Variants in GATA6 observed in about 807,000 individuals in gnomAD.
GATA6 encodes GATA binding protein 6, also known as transcription factor GATA-6.
A neutral mutation model predicts 48.1 loss-of-function variants in GATA6; 11 were observed. The ratio of observed to expected loss-of-function variants is 0.23; its 90% CI spans 0.14 to 0.38. The LOEUF (loss-of-function observed/expected upper bound fraction) is 0.38, where lower values mean the gene tolerates loss of function less well. GATA6 is among the 10% of genes least tolerant of loss of function. GATA6 has a pLI of 1.00. For missense variants in GATA6, 795 were observed against 850.3 expected, an observed-to-expected ratio of 0.93 and a Z score of 0.81; for synonymous variants, 419 against 396.1, an observed-to-expected ratio of 1.06 and a Z score of -0.69.
intron 4 of GATA6, among the ~76,000 whole-genome samples, chr18:22,182,555 G>A (rs952358855): frequency 2.0e-5 from 3 of 152,116 alleles, no homozygotes; most frequent in Non-Finnish European, 2.9e-5. Flanking sequence ...ACGGGGTTTC[G>A]TCATGTTGGC....
At position 22,172,511 on chromosome 18, in the gene GATA6, A is replaced by T. The variant is rs950396786; in HGVS notation, c.1135+232A>T. The stretch of plus-strand genomic sequence containing the variant: ...AGTCTGTTGTGCCAAGTTCCTTTCC[A>T]CGGATGAGACTAAATGCACATCTGT... On this transcript the variant is annotated intron_variant, in intron 2 of 6. Transcript: ENST00000269216. This position sits in a 1 kb window ranked among gnomAD's most constrained non-coding sequence, Gnocchi z 5.2. Among the ~76,000 whole-genome samples the T allele has an allele frequency of 1.3e-5, 2 of 152,106 alleles. No individual in the cohort carries two copies. Among genetic ancestry groups the T allele is most frequent in the Non-Finnish European group, 2.9e-5 (2 of 68,016 alleles).
intron 3 of GATA6, among the ~76,000 whole-genome samples, chr18:22,179,169 G>A (rs987313833): frequency 6.6e-6 from 1 of 152,202 alleles, no homozygotes; most frequent in Non-Finnish European, 1.5e-5. Flanking sequence ...TTGTAAATGG[G>A]TTATAAATGA....
rs1379272381 is a variant in GATA6, at chr18:22,170,763, C to A, written c.-37-345C>A. On this transcript the variant is annotated intron_variant, in intron 1 of 6. Coordinates refer to ENST00000269216, the MANE Select transcript of GATA6 (RefSeq NM_005257.6). This position sits in a 1 kb window ranked among gnomAD's most constrained non-coding sequence, Gnocchi z 6.7. The stretch of plus-strand genomic sequence containing the variant: ...CTTTAGGGCGGAAGGAAAGCCTCAG[C>A]CAGCTTCTGCAGATCACCCCTGGGA... Among the ~76,000 whole-genome samples the A allele has an allele frequency of 2.0e-5, 3 of 152,038 alleles. No homozygotes were observed. The highest frequency in any genetic ancestry group is 4.8e-5 in the African/African-American group (2 of 41,410).
intron 6 of GATA6, among the ~76,000 whole-genome samples, chr18:22,194,991 C>A (rs998763375): frequency 6.6e-6 from 1 of 152,074 alleles, no homozygotes; most frequent in South Asian, 2.1e-4. Context: ...TATGGTGAAA[C>A]CCTAACTCTA....
At chr18:22,175,691 T>A (rs1011386780) in intron 2 of GATA6, 2 of 152,200 alleles carry the variant, frequency 1.3e-5, no homozygotes, top group Non-Finnish European at 2.9e-5. Context: ...GGAATTAAAG[T>A]TTTTATGCTA....
intron 6 of GATA6, among the ~76,000 whole-genome samples, chr18:22,189,107 T>A (rs1345376952): frequency 6.6e-6 from 1 of 152,172 alleles, no homozygotes; most frequent in Non-Finnish European, 1.5e-5. Flanking sequence ...ATAGGCGTCA[T>A]CGTTCCCGTC....
intron 3 of GATA6, among the ~76,000 whole-genome samples, chr18:22,180,673 A>G (rs1248856794): frequency 2.0e-5 from 3 of 149,780 alleles, no homozygotes; most frequent in Non-Finnish European, 4.4e-5. Flanking sequence ...ATTCAAATAT[A>G]TTTCTTTTTT....
At chr18:22,176,903 G>A (rs923530876) in intron 2 of GATA6, 52 bp from the exon 3 acceptor site, 410 of 1,509,652 alleles carry the variant, frequency 2.7e-4, no homozygotes, top group Middle Eastern at 2.3e-3. Flanking sequence ...GACGCGGGGA[G>A]GGACGGGTCC....
intron 3 of GATA6, 98 bp downstream of exon 3, chr18:22,177,219 T>G: frequency 8.6e-7 from 1 of 1,159,748 alleles, no homozygotes; most frequent in Non-Finnish European, 1.2e-6. Context: ...GGCGTCCCCC[T>G]CCCAGGGGAC....
rs1598733497 is a variant in GATA6, at chr18:22,170,895, G to A, written c.-37-213G>A. On this transcript the variant is annotated intron_variant, in intron 1 of 6. Transcript: ENST00000269216. This position sits in a 1 kb window ranked among gnomAD's most constrained non-coding sequence, Gnocchi z 6.7. ...GGGCTGGTATCCCAGCCCTTCCAGGGCCCTGTGGCGGCTGCGCAGGCTCCC... is the reference window on the plus strand; with the variant it reads ...GGGCTGGTATCCCAGCCCTTCCAGGACCCTGTGGCGGCTGCGCAGGCTCCC... The A allele has an allele frequency of 7.0e-6, 4 of 575,050 alleles. No individual in the cohort carries two copies. The highest frequency in any genetic ancestry group is 1.2e-5 in the Non-Finnish European group (4 of 322,256). 35.6% of individuals were successfully genotyped at this position (575,050 alleles called of 1,614,324 possible).
At position 22,179,363 on chromosome 18, in the gene GATA6, T is replaced by C. The variant is rs2033166466; in HGVS notation, c.1303-2090T>C. 2.6e-5 allele frequency among the ~76,000 whole-genome samples: 4 copies of C among 152,204 alleles called. No homozygotes were observed. In the South Asian group the frequency reaches 8.3e-4, roughly 32 times the overall value. ...ACATTGCAAAATAAGAGATTTATGG[T>C]GTAACTTGAATTCCTTGTCAGTGAG... On this transcript the variant is annotated intron_variant, in intron 3 of 6. Coordinates refer to ENST00000269216, the MANE Select transcript of GATA6 (RefSeq NM_005257.6).
rs758992870 is a variant in GATA6, at chr18:22,171,255, C to A, written c.111C>A (p.Ser37=). 6.3e-7 allele frequency: 1 copy of A among 1,598,456 alleles called. No homozygotes were observed. The highest frequency in any genetic ancestry group is 2.2e-5 in the East Asian group (1 of 44,798). ...CGCGGGAGCCCTCCACGCCGCCTTC[C>A]CCCATCTCTTCCTCGTCCTCCTCCT... ...FPAREPSTPP[S]PISSSSSSCS... The change falls in exon 2 of 7, where the codon TCC becomes TCA. Residue 37 remains serine (S), a synonymous_variant. Transcript: ENST00000269216. The surrounding 1 kb of genome is among the most constrained non-coding windows in gnomAD (Gnocchi z 7.1).
rs1157916092 is a variant in GATA6 at position 22,171,924 on chromosome 18, G to C, written c.780G>C (p.Ser260=). ...GGAGSAAAHV[S]ARFPYSPSPP... The stretch of plus-strand genomic sequence containing the variant: ...CTGGCTCAGCCGCGGCGCACGTCTC[G>C]GCGCGCTTCCCCTACTCTCCCAGCC... The change falls in exon 2 of 7, where the codon TCG becomes TCC. Residue 260 remains serine, a synonymous_variant. Transcript: ENST00000269216. The surrounding 1 kb of genome is among the most constrained non-coding windows in gnomAD (Gnocchi z 7.1). The C allele has an allele frequency of 8.5e-7, 1 of 1,180,500 alleles. No homozygotes were observed. The allele number at this position is 1,180,500 out of a possible 1,614,324, so 73.1% of individuals were successfully genotyped here. A position where few individuals can be genotyped will look rare whatever the true frequency, so the allele number is the denominator to read the frequency against.
Position 22,171,291 on chromosome 18 carries a change from C to A in GATA6, c.147C>A (p.Gly49=). The stretch of plus-strand genomic sequence containing the variant: ...CCTCGTCCTCCTCCTGCTCCCGGGG[C>A]GGAGAGCGGGGCCCCGGCGGCGCCA... ...ISSSSSSCSR[G]GERGPGGASN... is the part of the protein sequence containing the mutation. Residue 49 remains glycine, a synonymous_variant, in exon 2 of 7, where the codon GGC becomes GGA. Coordinates refer to ENST00000269216, the MANE Select transcript of GATA6 (RefSeq NM_005257.6). The surrounding 1 kb of genome is among the most constrained non-coding windows in gnomAD (Gnocchi z 7.1). 3 of 1,593,606 alleles carry A rather than the reference C, an allele frequency of 1.9e-6. No homozygotes were observed. The highest frequency in any genetic ancestry group is 3.3e-5 in the Admixed American group (2 of 59,784).
rs1319655364 is a variant in GATA6, at chr18:22,172,261, C to CCCCGGGGTCCCAGTG, written c.1119_1133dup (p.Arg374_Ala378dup). The CCCCGGGGTCCCAGTG allele has an allele frequency of 2.0e-6, 3 of 1,533,196 alleles. No individual in the cohort carries two copies. The African/African-American group carries it at 4.1e-5, about 21-fold the overall frequency. 95.0% of individuals were successfully genotyped at this position (1,533,196 alleles called of 1,614,324 possible). A position where few individuals can be genotyped will look rare whatever the true frequency, so the allele number is the denominator to read the frequency against. ...CCGCGCCGGAGCCCCGCTCCCGGTG[C>CCCCGGGGTCCCAGTG]CCCGGGGTCCCAGTGCAGGTAAGGG... On this transcript the variant is annotated inframe_insertion, in exon 2 of 7. Coordinates refer to ENST00000269216, the MANE Select transcript of GATA6 (RefSeq NM_005257.6). This position sits in a 1 kb window ranked among gnomAD's most constrained non-coding sequence, Gnocchi z 5.2.
At chr18:22,177,900 T>G (rs2033143307) in intron 3 of GATA6, among the ~76,000 whole-genome samples, 1 of 151,864 alleles carries the variant, frequency 6.6e-6, no homozygotes, top group Non-Finnish European at 1.5e-5. Context: ...GTGGTTTGTA[T>G]GTTCTTAAGT....
At chr18:22,194,138 T>G (rs530023759) in intron 6 of GATA6, among the ~76,000 whole-genome samples, 22 of 152,200 alleles carry the variant, frequency 1.4e-4, no homozygotes, top group Non-Finnish European at 2.9e-4. Context: ...AGCGGATATT[T>G]TCCATGTCCC....
intron 6 of GATA6, among the ~76,000 whole-genome samples, chr18:22,200,249 A>T (rs1312019676): frequency 6.6e-6 from 1 of 152,168 alleles, no homozygotes; most frequent in East Asian, 1.9e-4. Flanking sequence ...GGAAATGATC[A>T]GGTTGTGTGT....
At chr18:22,179,201 C>T (rs1396314418) in intron 3 of GATA6, among the ~76,000 whole-genome samples, 1 of 152,192 alleles carries the variant, frequency 6.6e-6, no homozygotes, top group Non-Finnish European at 1.5e-5. Flanking sequence ...GGGTGTGTCA[C>T]TATCAATTAG....
Sources: gnomAD v4.1 joint callset for allele counts (sites outside exome capture counted in the v4.1 genomes callset) on GRCh38, gnomAD v4.1.1 for gene constraint, Gnocchi (gnomAD v3.1) non-coding constraint, MANE v1.5 for transcripts, NCBI Gene and HGNC (gene_info 2026-07-23, HGNC 2026-07-21) for gene names.